The following TAFA2 variants were observed in gnomAD, a reference collection of about 807,000 sequenced individuals.
The protein encoded by TAFA2 is chemokine-like protein TAFA-2.
In TAFA2, 7 loss-of-function variants were observed where a neutral mutation model predicts 18.8. The ratio of observed to expected loss-of-function variants is 0.37; its 90% CI spans 0.21 to 0.70. TAFA2 has a LOEUF of 0.70. Ranked by LOEUF, TAFA2 falls within the 30% of genes least tolerant of loss-of-function variation. The pLI is 0.53. For synonymous variants in TAFA2, 60 were observed against 54.2 expected, an observed-to-expected ratio of 1.11 and a Z score of -0.47; for missense variants, 122 against 158.1, an observed-to-expected ratio of 0.77 and a Z score of 1.23.
chr12:62,077,413 A>G (rs78554870), intron 1 of TAFA2, among the ~76,000 whole-genome samples: 8,408 of 152,302 alleles, frequency 0.055, 349 homozygotes, highest in Non-Finnish European at 0.085. Flanking sequence ...ATTAGCAAGT[A>G]ATGATTGTTC....
chr12:62,141,042 CT>C (rs1260899311), intron 1 of TAFA2, among the ~76,000 whole-genome samples: 1 of 152,210 alleles, frequency 6.6e-6, no homozygotes, highest in Non-Finnish European at 1.5e-5. Context: ...CAACCACCTT[CT>C]GTTCTAAGGC....
chr12:61,995,033 A>G lies in TAFA2; in HGVS notation c.-1-127607T>C, dbSNP rs538855721. Among the ~76,000 whole-genome samples the G allele has an allele frequency of 2.6e-5, 4 of 152,326 alleles. No individual in the cohort carries two copies. In the East Asian group the frequency reaches 7.7e-4, roughly 29 times the overall value. The stretch of plus-strand genomic sequence containing the variant: ...TATTTCTCCAATTAGCCACTCAACA[A>G]GAGTGTTCCTATTAACATAAATTAG... On this transcript the variant is annotated intron_variant, in intron 1 of 4. Transcript: ENST00000416284.
intron 2 of TAFA2, among the ~76,000 whole-genome samples, chr12:61,793,134 T>C (rs1871051732): frequency 6.6e-6 from 1 of 151,538 alleles, no homozygotes; most frequent in Non-Finnish European, 1.5e-5. Flanking sequence ...CTTATAGCAC[T>C]AAGCATCTAT....
chr12:62,196,397 G>T (rs895670618), upstream of TAFA2, among the ~76,000 whole-genome samples: 4 of 152,134 alleles, frequency 2.6e-5, no homozygotes, highest in African/African-American at 9.7e-5. Context: ...TGGCTCAAGA[G>T]GCCTAGTTCT....
chr12:61,949,941 C>A (rs989225753), intron 1 of TAFA2, among the ~76,000 whole-genome samples: 12 of 152,090 alleles, frequency 7.9e-5, no homozygotes, highest in Non-Finnish European at 1.3e-4. Flanking sequence ...TTTCTCTAGT[C>A]CCTGGTAATC....
chr12:61,717,633 TG>T (rs1869719493), intron 4 of TAFA2, among the ~76,000 whole-genome samples: 1 of 152,166 alleles, frequency 6.6e-6, no homozygotes. Context: ...TTAACAGCCT[TG>T]GGTGAGTGGA....
intron 1 of TAFA2, among the ~76,000 whole-genome samples, chr12:62,184,489 GA>G (rs1245599931): frequency 0.018 from 1,248 of 70,814 alleles, 16 homozygotes; most frequent in African/African-American, 0.045. Context: ...GAACACACGG[GA>G]AAAAAAAAAT....
chr12:61,786,236 T>C (rs1870732808), intron 2 of TAFA2, among the ~76,000 whole-genome samples: 1 of 151,606 alleles, frequency 6.6e-6, no homozygotes, highest in Non-Finnish European at 1.5e-5. Context: ...CAGAAAGCTC[T>C]TACCTCAGGA....
At chr12:62,108,780 G>A (rs189412394) in intron 1 of TAFA2, among the ~76,000 whole-genome samples, 38 of 152,260 alleles carry the variant, frequency 2.5e-4, no homozygotes, top group Admixed American at 3.9e-4. Flanking sequence ...CCACATAAAT[G>A]CCTTATTTTG....
chr12:61,753,804 T>C (rs1869135505), intron 3 of TAFA2, 58 bp from the exon 4 acceptor site: 11 of 1,531,118 alleles, frequency 7.2e-6, no homozygotes, highest in Non-Finnish European at 9.8e-6. Flanking sequence ...ATTTCTCTTG[T>C]TCACCTTTAA....
At chr12:61,725,453 T>C (rs1370859738) in intron 4 of TAFA2, among the ~76,000 whole-genome samples, 1 of 152,044 alleles carries the variant, frequency 6.6e-6, no homozygotes, top group East Asian at 1.9e-4. Context: ...CTTGGGTTGA[T>C]TTTTTTATAA....
chr12:62,177,742 A>G (rs1299904771), intron 1 of TAFA2, among the ~76,000 whole-genome samples: 2 of 152,156 alleles, frequency 1.3e-5, no homozygotes, highest in Admixed American at 1.3e-4. Context: ...CAGTCACCTA[A>G]GCCAGGACCC....
intron 1 of TAFA2, among the ~76,000 whole-genome samples, chr12:61,897,509 G>C (rs1039055092): frequency 6.6e-6 from 1 of 152,144 alleles, no homozygotes; most frequent in Non-Finnish European, 1.5e-5. Context: ...AGCAGAAGGG[G>C]AAGCAGGCAT....
At position 62,011,014 on chromosome 12, in the gene TAFA2, C is replaced by T. The variant is rs556540982; in HGVS notation, c.-1-143588G>A. ...GCCACCCCGTCTGGGAAGTGGGGGG[C>T]GCCTCTGCCCGGCCACCCCATCTGG... On this transcript the variant is annotated intron_variant, in intron 1 of 4. Coordinates refer to ENST00000416284, the MANE Select transcript of TAFA2 (RefSeq NM_178539.5). Among the ~76,000 whole-genome samples, 96 of 145,132 alleles carry T rather than the reference C, an allele frequency of 6.6e-4. 15 individuals are homozygous for T. Among genetic ancestry groups the T allele is most frequent in the Non-Finnish European group, 1.1e-3 (73 of 66,300 alleles).
At chr12:62,170,993 C>T (rs557778354) in intron 1 of TAFA2, among the ~76,000 whole-genome samples, 1 of 152,150 alleles carries the variant, frequency 6.6e-6, no homozygotes, top group East Asian at 1.9e-4. Context: ...TAAATTGATC[C>T]ATAGTTTAGG....
At chr12:61,762,842 A>T (rs570943454) in intron 2 of TAFA2, among the ~76,000 whole-genome samples, 30 of 152,068 alleles carry the variant, frequency 2.0e-4, no homozygotes, top group African/African-American at 7.0e-4. Flanking sequence ...GTTTGTCTCT[A>T]TATACTCCTA....
chr12:62,040,923 C>T (rs1020726371), intron 1 of TAFA2, among the ~76,000 whole-genome samples: 4 of 152,122 alleles, frequency 2.6e-5, no homozygotes, highest in Admixed American at 2.0e-4. Flanking sequence ...AAAAGAACAA[C>T]TTCAACAGGC....
intron 1 of TAFA2, among the ~76,000 whole-genome samples, chr12:62,082,383 T>C (rs1274352435): frequency 6.6e-6 from 1 of 152,218 alleles, no homozygotes; most frequent in African/African-American, 2.4e-5. Context: ...CACTTCCTAT[T>C]CCACTAATGC....
intron 1 of TAFA2, among the ~76,000 whole-genome samples, chr12:61,937,736 G>A (rs138883344): frequency 2.6e-5 from 4 of 152,010 alleles, no homozygotes; most frequent in Admixed American, 6.6e-5. Flanking sequence ...TCTTCTGGAC[G>A]TTGGCCTAAG....
Sources: gnomAD v4.1 joint callset for allele counts (sites outside exome capture counted in the v4.1 genomes callset) on GRCh38, gnomAD v4.1.1 for gene constraint, MANE v1.5 for transcripts, NCBI Gene and HGNC (gene_info 2026-07-23, HGNC 2026-07-21) for gene names.